Variants in ZFAND3 observed in about 807,000 individuals in gnomAD.
ZFAND3 encodes AN1-type zinc finger protein 3.
ZFAND3 carries 10 observed loss-of-function variants against 29.6 expected under a neutral mutation model. The ratio of observed to expected loss-of-function variants is 0.34; its 90% CI spans 0.21 to 0.57. The LOEUF is 0.57. Among genes scored for constraint, ZFAND3 ranks in the 20% least tolerant of loss-of-function variants. The pLI, the probability that ZFAND3 is intolerant of heterozygous loss-of-function variation, is 0.86. For missense variants in ZFAND3, 230 were observed against 304.5 expected, an observed-to-expected ratio of 0.76 and a Z score of 1.82; for synonymous variants, 128 against 112.6, an observed-to-expected ratio of 1.14 and a Z score of -0.87.
At chr6:38,026,124 T>A (rs1391970483) in intron 2 of ZFAND3, among the ~76,000 whole-genome samples, 1 of 152,178 alleles carries the variant, frequency 6.6e-6, no homozygotes, top group African/African-American at 2.4e-5. Context: ...CTTTATCAGA[T>A]CCATTTCTAA....
rs928888339 is a variant in ZFAND3 at position 37,966,002 on chromosome 6, A to C, written c.112+36003A>C. Reference sequence around the variant, plus strand: ...GGTCTTGAACTCCTGGGCTCAAGGAATCCTCCTGCCTTGACCTCCCTAAGT... The same window carrying C: ...GGTCTTGAACTCCTGGGCTCAAGGACTCCTCCTGCCTTGACCTCCCTAAGT... On this transcript the variant is annotated intron_variant, in intron 2 of 5. Coordinates refer to ENST00000287218, the MANE Select transcript of ZFAND3 (RefSeq NM_021943.3). Among the ~76,000 whole-genome samples, 11 of 152,136 alleles carry C rather than the reference A, an allele frequency of 7.2e-5. 1 individual carries two copies. The highest frequency in any genetic ancestry group is 3.3e-4 in the Admixed American group (5 of 15,276).
intron 5 of ZFAND3, among the ~76,000 whole-genome samples, chr6:38,118,313 A>T (rs1003774714): frequency 6.6e-6 from 1 of 151,988 alleles, no homozygotes; most frequent in Non-Finnish European, 1.5e-5. Flanking sequence ...GCTTCGCTCC[A>T]CTCTGCAGAG....
At chr6:38,003,687 GTA>G in intron 2 of ZFAND3, 1 of 150,126 alleles carries the variant, frequency 6.7e-6, no homozygotes, top group Non-Finnish European at 1.4e-5. Context: ...TTTTTTTTTT[GTA>G]GAGACGGGGT....
At chr6:37,841,584 C>T (rs775827905) in intron 1 of ZFAND3, among the ~76,000 whole-genome samples, 5 of 152,128 alleles carry the variant, frequency 3.3e-5, no homozygotes, top group Non-Finnish European at 7.4e-5. Context: ...CCCGGGTTCA[C>T]GCCATTCCCC....
At chr6:38,041,645 TC>T in intron 2 of ZFAND3, among the ~76,000 whole-genome samples, 1 of 17,098 alleles carries the variant, frequency 5.8e-5, no homozygotes, top group African/African-American at 2.1e-4. Context: ...TTCTTCTTCT[TC>T]TTCTTCTTCT....
At position 38,014,814 on chromosome 6, in the gene ZFAND3, A is replaced by G. The variant is rs376141633; in HGVS notation, c.113-46779A>G. Among the ~76,000 whole-genome samples the G allele has an allele frequency of 2.6e-4, 39 of 152,258 alleles. 1 individual carries two copies. Among genetic ancestry groups the G allele is most frequent in the East Asian group, 2.5e-3 (13 of 5,162 alleles). ...ATTTAATCTTGAGGATACAGGGAAGATGGTATAGAGTTAAGCATCAACCCA... is the reference window on the plus strand; with the variant it reads ...ATTTAATCTTGAGGATACAGGGAAGGTGGTATAGAGTTAAGCATCAACCCA... On this transcript the variant is annotated intron_variant, in intron 2 of 5. Transcript: ENST00000287218.
Position 37,826,610 on chromosome 6 carries a change from T to C in ZFAND3, c.71+6594T>C, listed in dbSNP as rs560491405. On this transcript the variant is annotated intron_variant, in intron 1 of 5. Transcript: ENST00000287218. ...CTGTACCAAAAATAAAAAAATTAAC[T>C]GAGGTGGTGGCATGCTCCTGTAGTC... 1.6e-3 allele frequency among the ~76,000 whole-genome samples: 250 copies of C among 152,078 alleles called. 2 individuals carry two copies. Among genetic ancestry groups the C allele is most frequent in the Non-Finnish European group, 2.7e-3 (184 of 67,992 alleles).
chr6:38,031,178 G>C (rs1183807475), intron 2 of ZFAND3, among the ~76,000 whole-genome samples: 11 of 152,002 alleles, frequency 7.2e-5, no homozygotes, highest in Non-Finnish European at 1.3e-4. Context: ...CTCCGTTCTT[G>C]GTGCTACTAC....
intron 1 of ZFAND3, among the ~76,000 whole-genome samples, chr6:37,841,641 C>T (rs1764077843): frequency 6.6e-6 from 1 of 152,088 alleles, no homozygotes; most frequent in Admixed American, 6.6e-5. Flanking sequence ...TGCCACCATG[C>T]CCGGCTAATT....
intron 3 of ZFAND3, among the ~76,000 whole-genome samples, chr6:38,078,093 T>C (rs945394214): frequency 6.6e-6 from 1 of 152,238 alleles, no homozygotes; most frequent in Non-Finnish European, 1.5e-5. Flanking sequence ...TTTATAGGGC[T>C]GCAGTCAGTA....
intron 2 of ZFAND3, among the ~76,000 whole-genome samples, chr6:37,984,823 T>C (rs1762639011): frequency 6.6e-6 from 1 of 152,202 alleles, no homozygotes; most frequent in Non-Finnish European, 1.5e-5. Flanking sequence ...GTAGCTGTTG[T>C]CATTGCATCT....
At chr6:37,916,439 C>T (rs1484349850) in intron 1 of ZFAND3, among the ~76,000 whole-genome samples, 1 of 151,952 alleles carries the variant, frequency 6.6e-6, no homozygotes, top group African/African-American at 2.4e-5. Flanking sequence ...GCAGGCAGAT[C>T]ACGAGGTCAG....
At chr6:38,067,484 A>T (rs1333275626) in intron 3 of ZFAND3, among the ~76,000 whole-genome samples, 2 of 152,222 alleles carry the variant, frequency 1.3e-5, no homozygotes, top group Non-Finnish European at 2.9e-5. Context: ...ATTCTCTATC[A>T]TGATTTACGA....
intron 1 of ZFAND3, among the ~76,000 whole-genome samples, chr6:37,849,622 C>T (rs959802838): frequency 3.3e-5 from 5 of 152,118 alleles, no homozygotes; most frequent in Non-Finnish European, 5.9e-5. Context: ...ATTGACCAGG[C>T]TGGTCTGGAA....
At chr6:38,026,539 C>T (rs1316467132) in intron 2 of ZFAND3, among the ~76,000 whole-genome samples, 1 of 145,610 alleles carries the variant, frequency 6.9e-6, no homozygotes, top group Non-Finnish European at 1.5e-5. Flanking sequence ...AAGTGATTCT[C>T]GTGCCTCAGC....
At chr6:37,917,200 T>C (rs1761275567) in intron 1 of ZFAND3, among the ~76,000 whole-genome samples, 1 of 152,244 alleles carries the variant, frequency 6.6e-6, no homozygotes, top group Admixed American at 6.5e-5. Context: ...TCTTGAAATG[T>C]ATCCCTCAAG....
At chr6:38,149,520 T>C (rs895608341) in intron 5 of ZFAND3, among the ~76,000 whole-genome samples, 1 of 150,104 alleles carries the variant, frequency 6.7e-6, no homozygotes, top group South Asian at 2.1e-4. Flanking sequence ...AATGTCAGGG[T>C]AGCTACTGTG....
Position 38,109,831 on chromosome 6 carries a change from C to T in ZFAND3, c.362-6741C>T, listed in dbSNP as rs948210721. 5.9e-5 allele frequency among the ~76,000 whole-genome samples: 9 copies of T among 152,072 alleles called. No individual in the cohort carries two copies. In the East Asian group the frequency reaches 1.3e-3, roughly 23 times the overall value. ...AATGTCTCCGCAGAAGCAGCTTCTG[C>T]GTTGCTATCCGGAGGACCAAAATCT... is the stretch of plus-strand genomic sequence containing the variant. On this transcript the variant is annotated intron_variant, in intron 4 of 5. Coordinates refer to ENST00000287218, the MANE Select transcript of ZFAND3 (RefSeq NM_021943.3).
intron 2 of ZFAND3, among the ~76,000 whole-genome samples, chr6:37,945,580 G>A (rs763821137): frequency 1.3e-5 from 2 of 152,052 alleles, no homozygotes; most frequent in Non-Finnish European, 2.9e-5. Context: ...TTGCCATGTT[G>A]GCTAGTCTAG....
Sources: gnomAD v4.1 joint callset for allele counts (sites outside exome capture counted in the v4.1 genomes callset) on GRCh38, gnomAD v4.1.1 for gene constraint, MANE v1.5 for transcripts, NCBI Gene and HGNC (gene_info 2026-07-23, HGNC 2026-07-21) for gene names.